RXRA: variants seen among roughly 807,000 people sequenced by gnomAD.
The protein encoded by RXRA is retinoid X receptor alpha.
A neutral mutation model predicts 44.5 loss-of-function variants in RXRA; 5 were observed. The ratio of observed to expected loss-of-function variants is 0.11; its 90% CI spans 0.06 to 0.24. The LOEUF is 0.24. Ranked by LOEUF, RXRA falls within the 10% of genes least tolerant of loss-of-function variation. The pLI is 1.00. For synonymous variants in RXRA, 291 were observed against 271.4 expected, an observed-to-expected ratio of 1.07 and a Z score of -0.71; for missense variants, 412 against 646.5, an observed-to-expected ratio of 0.64 and a Z score of 3.93.
At position 134,346,901 on chromosome 9, in the gene RXRA, C is replaced by T. The variant is rs1036759359; in HGVS notation, c.28+20242C>T. Among the ~76,000 whole-genome samples, 4 of 152,308 alleles carry T rather than the reference C, an allele frequency of 2.6e-5. No homozygotes were observed. The East Asian group carries it at 7.7e-4, about 29-fold the overall frequency. On this transcript the variant is annotated intron_variant, in intron 1 of 9. Coordinates refer to ENST00000481739, the MANE Select transcript of RXRA (RefSeq NM_002957.6). ...GGGACCCCACCAGCGCTTCACTGCTCCCATCTTACGGAGGGGGAGGGCAAG... is the reference window on the plus strand; with the variant it reads ...GGGACCCCACCAGCGCTTCACTGCTTCCATCTTACGGAGGGGGAGGGCAAG...
At chr9:134,387,125 C>T (rs1027427335) in intron 1 of RXRA, among the ~76,000 whole-genome samples, 7 of 152,222 alleles carry the variant, frequency 4.6e-5, no homozygotes, top group Non-Finnish European at 1.0e-4. Context: ...CCCTTCTCTG[C>T]AGGGAGTGAG....
Position 134,417,100 on chromosome 9 carries a change from C to G in RXRA, c.611-58C>G. ...GGCACCACCCGGCCAGGACAGCCTTCCCTGGGAGCCACTGGCCGGGCTGAG... is the reference window on the plus strand; with the variant it reads ...GGCACCACCCGGCCAGGACAGCCTTGCCTGGGAGCCACTGGCCGGGCTGAG... On this transcript the variant is annotated intron_variant, in intron 4 of 9. Coordinates refer to ENST00000481739, the MANE Select transcript of RXRA (RefSeq NM_002957.6). The surrounding 1 kb of genome is among the most constrained non-coding windows in gnomAD (Gnocchi z 6.1). 6.5e-7 allele frequency: 1 copy of G among 1,549,562 alleles called. No individual in the cohort carries two copies. Among genetic ancestry groups the G allele is most frequent in the Non-Finnish European group, 8.7e-7 (1 of 1,148,804 alleles).
At chr9:134,425,046 A>ACCAT (rs1831409806) in intron 6 of RXRA, 2 of 985,260 alleles carry the variant, frequency 2.0e-6, no homozygotes. Flanking sequence ...TGCAATTCCC[A>ACCAT]CCATCGTGAG....
At chr9:134,371,701 G>A (rs938305282) in intron 1 of RXRA, among the ~76,000 whole-genome samples, 3 of 152,316 alleles carry the variant, frequency 2.0e-5, no homozygotes, top group Admixed American at 6.5e-5. Flanking sequence ...GGGCCTGGGG[G>A]TGGCGTGCGC....
rs907187410 is a variant in RXRA, at chr9:134,409,827, G to A, written c.610+708G>A. On this transcript the variant is annotated intron_variant, in intron 4 of 9. Transcript: ENST00000481739. ...GCCTCAGTTCCTCCCATCGGGTCCC[G>A]TGCCCTGGGCCTTGTGGAGGTGGGA... Among the ~76,000 whole-genome samples the A allele has an allele frequency of 6.6e-5, 10 of 152,282 alleles. No individual in the cohort carries two copies. The South Asian group carries it at 1.5e-3, about 22-fold the overall frequency.
At chr9:134,334,190 C>A (rs140282958) in intron 1 of RXRA, among the ~76,000 whole-genome samples, 1 of 152,244 alleles carries the variant, frequency 6.6e-6, no homozygotes, top group Admixed American at 6.5e-5. Context: ...AGCCACCCAT[C>A]CAGCCTCTTT....
At chr9:134,387,064 C>T (rs554061535) in intron 1 of RXRA, among the ~76,000 whole-genome samples, 269 of 152,282 alleles carry the variant, frequency 1.8e-3, no homozygotes, top group African/African-American at 5.6e-3. Flanking sequence ...TGCCCTGGGC[C>T]GCTGCTGTGG....
intron 6 of RXRA, chr9:134,423,080 G>A: frequency 1.0e-6 from 1 of 985,490 alleles, no homozygotes; most frequent in South Asian, 4.7e-5. Flanking sequence ...GTGGAAGCCT[G>A]GATGGGGCAG....
intron 1 of RXRA, among the ~76,000 whole-genome samples, chr9:134,390,641 C>T (rs1342004461): frequency 6.6e-6 from 1 of 152,232 alleles, no homozygotes; most frequent in Non-Finnish European, 1.5e-5. Context: ...AGTTGAGCCT[C>T]TGGGCTGGTG....
rs1554746356 is a variant in RXRA, at chr9:134,329,149, T to C, written c.28+2490T>C. On this transcript the variant is annotated intron_variant, in intron 1 of 9. Transcript: ENST00000481739. Reference sequence around the variant, plus strand: ...CTGTGGAGAGACCCGGTGGCAAAGCTGTAGGCCCGCTGACCACTCTTGGAG... The same window carrying C: ...CTGTGGAGAGACCCGGTGGCAAAGCCGTAGGCCCGCTGACCACTCTTGGAG... Among the ~76,000 whole-genome samples the C allele has an allele frequency of 9.9e-5, 15 of 152,250 alleles. No individual in the cohort carries two copies. The East Asian group carries it at 1.7e-3, about 18-fold the overall frequency.
At position 134,426,368 on chromosome 9, in the gene RXRA, A is replaced by G. The variant is rs148090063; in HGVS notation, c.911-2740A>G. On this transcript the variant is annotated intron_variant, in intron 6 of 9. Transcript: ENST00000481739. This position sits in a 1 kb window ranked among gnomAD's most constrained non-coding sequence, Gnocchi z 4.6. ...TTACTGTAAAGTGGGTTCCTCTCCT[A>G]TTTTTCTCTTACATCCGAGAAGGAG... 3.6e-4 allele frequency: 355 copies of G among 985,396 alleles called. 1 individual carries two copies. The African/African-American group carries it at 5.5e-3, about 15-fold the overall frequency. 61.0% of individuals were successfully genotyped at this position (985,396 alleles called of 1,614,324 possible). A position where few individuals can be genotyped will look rare whatever the true frequency, so the allele number is the denominator to read the frequency against.
chr9:134,423,016 C>CG (rs1831373586), intron 6 of RXRA: 10 of 985,366 alleles, frequency 1.0e-5, no homozygotes, highest in Non-Finnish European at 1.2e-5. Flanking sequence ...TGCCATGCGG[C>CG]GGCCAGGACG....
At chr9:134,427,793 T>G (rs548592121) in intron 6 of RXRA, among the ~76,000 whole-genome samples, 1 of 152,360 alleles carries the variant, frequency 6.6e-6, no homozygotes, top group East Asian at 1.9e-4. Context: ...TTTCCCCCTC[T>G]GTAAAACAAA....
At position 134,390,495 on chromosome 9, in the gene RXRA, G is replaced by GGCCTGTGGC. The variant is rs567595391; in HGVS notation, c.29-11127_29-11119dup. Among the ~76,000 whole-genome samples the GGCCTGTGGC allele has an allele frequency of 3.4e-3, 524 of 152,308 alleles. 5 individuals carry two copies. The highest frequency in any genetic ancestry group is 0.012 in the African/African-American group (488 of 41,566). ...GAGGTTTCTGAGGCTCAGCCTGTGG[G>GGCCTGTGGC]GCCTGTGGCGCCTGTGGCCACGGGG... On this transcript the variant is annotated intron_variant, in intron 1 of 9. Transcript: ENST00000481739.
At position 134,358,176 on chromosome 9, in the gene RXRA, C is replaced by T. The variant is rs1024964827; in HGVS notation, c.28+31517C>T. On this transcript the variant is annotated intron_variant, in intron 1 of 9. Coordinates refer to ENST00000481739, the MANE Select transcript of RXRA (RefSeq NM_002957.6). ...CCGAGGACGGAGCCAGGCGTGAGCC[C>T]GTGCAGGACAGAGTGGAAACACCGA... Among the ~76,000 whole-genome samples the T allele has an allele frequency of 9.9e-5, 15 of 152,254 alleles. 1 individual carries two copies. Among genetic ancestry groups the T allele is most frequent in the African/African-American group, 4.8e-5 (2 of 41,476 alleles).
At position 134,359,661 on chromosome 9, in the gene RXRA, C is replaced by T. The variant is rs1222962019; in HGVS notation, c.28+33002C>T. On this transcript the variant is annotated intron_variant, in intron 1 of 9. Coordinates refer to ENST00000481739, the MANE Select transcript of RXRA (RefSeq NM_002957.6). ...TGCATTGTTTTCCCTCCCTCCCTCC[C>T]TCTGCTGGATAAATAGCACACACAG... Among the ~76,000 whole-genome samples, 11 of 152,322 alleles carry T rather than the reference C, an allele frequency of 7.2e-5. 1 individual carries two copies. The highest frequency in any genetic ancestry group is 1.6e-4 in the Non-Finnish European group (11 of 68,012).
intron 1 of RXRA, among the ~76,000 whole-genome samples, chr9:134,391,677 T>TATG (rs1830801877): frequency 6.6e-6 from 1 of 152,110 alleles, no homozygotes; most frequent in African/African-American, 2.4e-5. Context: ...TTCTGCCAAG[T>TATG]CCCCGAGCTG....
At chr9:134,371,969 G>T (rs2119082755) in intron 1 of RXRA, 1 of 152,270 alleles carries the variant, frequency 6.6e-6, no homozygotes, top group East Asian at 1.9e-4. Context: ...CCTGGTGCAG[G>T]ACTGGGTGCC....
intron 8 of RXRA, among the ~76,000 whole-genome samples, chr9:134,432,938 G>A (rs1831555831): frequency 1.3e-5 from 2 of 152,148 alleles, no homozygotes; most frequent in African/African-American, 4.8e-5. Flanking sequence ...GGAGCTATGG[G>A]TTTCTGTGTT....
Sources: gnomAD v4.1 joint callset for allele counts (sites outside exome capture counted in the v4.1 genomes callset) on GRCh38, gnomAD v4.1.1 for gene constraint, Gnocchi (gnomAD v3.1) non-coding constraint, MANE v1.5 for transcripts, NCBI Gene and HGNC (gene_info 2026-07-23, HGNC 2026-07-21) for gene names.